CDH13: variants seen among roughly 807,000 people sequenced by gnomAD.
CDH13 encodes the protein cadherin 13, also known as cadherin-13.
Under a neutral mutation model 63.8 loss-of-function variants are expected in CDH13, and 24 were observed. The ratio of observed to expected loss-of-function variants is 0.38; its 90% CI spans 0.27 to 0.53. The LOEUF is 0.53. Ranked by LOEUF, CDH13 falls within the 20% of genes least tolerant of loss-of-function variation. The pLI, the probability that CDH13 is intolerant of heterozygous loss-of-function variation, is 0.85. For missense variants in CDH13, 1,049 were observed against 903.1 expected (o/e 1.16, Z -2.07); for synonymous variants, 503 against 355.3 (o/e 1.42, Z -4.67).
intron 10 of CDH13, among the ~76,000 whole-genome samples, chr16:83,689,615 TC>T (rs1276797244): frequency 2.0e-5 from 3 of 152,326 alleles, no homozygotes; most frequent in Admixed American, 2.0e-4. Flanking sequence ...GTGATGAGGC[TC>T]TAAACTACAG....
At chr16:83,214,364 C>T (rs1373502587) in intron 4 of CDH13, among the ~76,000 whole-genome samples, 1 of 151,644 alleles carries the variant, frequency 6.6e-6, no homozygotes, top group Non-Finnish European at 1.5e-5. Context: ...TGGATCACAT[C>T]AGGTAAGGAG....
chr16:82,972,855 A>G (rs1432470799), intron 2 of CDH13, among the ~76,000 whole-genome samples: 9 of 152,028 alleles, frequency 5.9e-5, no homozygotes, highest in Non-Finnish European at 1.0e-4. Flanking sequence ...CTACCTTTTT[A>G]CCATTTAAGG....
chr16:83,626,011 C>CTT (rs34252613), intron 8 of CDH13, among the ~76,000 whole-genome samples: 5,278 of 137,370 alleles, frequency 0.038, 236 homozygotes, highest in African/African-American at 0.1. Flanking sequence ...AAGCTTGCTT[C>CTT]TTTTTTTTTT....
intron 6 of CDH13, among the ~76,000 whole-genome samples, chr16:83,484,892 ACT>A (rs1186843167): frequency 6.6e-6 from 1 of 152,196 alleles, no homozygotes; most frequent in Non-Finnish European, 1.5e-5. Flanking sequence ...TACCTAGACC[ACT>A]GTTTGAGAAC....
chr16:83,366,791 G>A (rs1015976102), intron 6 of CDH13, among the ~76,000 whole-genome samples: 2 of 152,164 alleles, frequency 1.3e-5, no homozygotes, highest in African/African-American at 2.4e-5. Context: ...GGGGAGCACA[G>A]AAGGTCATGG....
intron 2 of CDH13, among the ~76,000 whole-genome samples, chr16:83,024,231 A>G (rs1915600869): frequency 6.6e-6 from 1 of 152,166 alleles, no homozygotes; most frequent in Non-Finnish European, 1.5e-5. Flanking sequence ...TTTTTAGTGG[A>G]TACAAGGACA....
chr16:82,913,426 C>T (rs1450579514), intron 2 of CDH13, among the ~76,000 whole-genome samples: 1 of 152,090 alleles, frequency 6.6e-6, no homozygotes, highest in Admixed American at 6.5e-5. Flanking sequence ...AGATCTAGGT[C>T]TGATACCTGC....
At chr16:83,596,235 G>C (rs1431794869) in intron 7 of CDH13, among the ~76,000 whole-genome samples, 3 of 152,214 alleles carry the variant, frequency 2.0e-5, no homozygotes, top group Non-Finnish European at 4.4e-5. Context: ...AAGTGAAGAG[G>C]CAGGTTGCCT....
At chr16:83,617,089 C>T (rs1056665154) in intron 8 of CDH13, among the ~76,000 whole-genome samples, 1 of 152,174 alleles carries the variant, frequency 6.6e-6, no homozygotes, top group Non-Finnish European at 1.5e-5. Flanking sequence ...TACCACATTG[C>T]CTTTCGCTTG....
intron 1 of CDH13, among the ~76,000 whole-genome samples, chr16:82,735,118 T>G (rs897685438): frequency 2.6e-5 from 4 of 152,178 alleles, no homozygotes; most frequent in African/African-American, 9.7e-5. Flanking sequence ...TAAGATCACC[T>G]TAAAGGAGCA....
At chr16:83,299,428 C>G (rs960711450) in intron 5 of CDH13, among the ~76,000 whole-genome samples, 2 of 152,216 alleles carry the variant, frequency 1.3e-5, no homozygotes, top group South Asian at 4.1e-4. Flanking sequence ...AGCACATACA[C>G]TCTTGCTATC....
chr16:83,711,169 T>C (rs1051212420), intron 10 of CDH13, among the ~76,000 whole-genome samples: 3 of 152,222 alleles, frequency 2.0e-5, no homozygotes, highest in South Asian at 2.1e-4. Flanking sequence ...TGACTTCAGA[T>C]GCAGGGAGAT....
At chr16:83,268,447 C>T (rs988266820) in intron 5 of CDH13, among the ~76,000 whole-genome samples, 2 of 152,120 alleles carry the variant, frequency 1.3e-5, no homozygotes, top group Non-Finnish European at 2.9e-5. Flanking sequence ...ACATTTTTTC[C>T]AAACCAGCAG....
chr16:82,998,412 TTTGTC>T (rs1409687596), intron 2 of CDH13, among the ~76,000 whole-genome samples: 1 of 152,212 alleles, frequency 6.6e-6, no homozygotes, highest in Non-Finnish European at 1.5e-5. Flanking sequence ...TCTATTTTGT[TTTGTC>T]CTGTTTTTTT....
At chr16:83,551,545 T>C (rs1393283953) in intron 7 of CDH13, among the ~76,000 whole-genome samples, 1 of 152,210 alleles carries the variant, frequency 6.6e-6, no homozygotes, top group East Asian at 1.9e-4. Context: ...GTGTGCTGTG[T>C]CTTACGTTTC....
At chr16:83,177,902 C>G (rs1038040225) in intron 4 of CDH13, among the ~76,000 whole-genome samples, 1 of 152,180 alleles carries the variant, frequency 6.6e-6, no homozygotes, top group African/African-American at 2.4e-5. Flanking sequence ...CAGAGCAAGA[C>G]TGTTTATCTT....
intron 1 of CDH13, among the ~76,000 whole-genome samples, chr16:82,852,776 G>A (rs2039545298): frequency 6.6e-6 from 1 of 152,210 alleles, no homozygotes; most frequent in Non-Finnish European, 1.5e-5. Context: ...AGCTTGGAGA[G>A]GGGCACTCTA....
intron 4 of CDH13, among the ~76,000 whole-genome samples, chr16:83,132,453 C>CCCCCCT (rs1491296907): frequency 4.3e-5 from 4 of 92,924 alleles, no homozygotes; most frequent in Non-Finnish European, 8.2e-5. Context: ...ACACCCCCCC[C>CCCCCCT]TTTTTTTTTT....
intron 3 of CDH13, among the ~76,000 whole-genome samples, chr16:83,068,391 A>G (rs2032181367): frequency 6.6e-6 from 1 of 152,022 alleles, no homozygotes; most frequent in Non-Finnish European, 1.5e-5. Context: ...ACTTCCCAAG[A>G]CTCTGTAACT....
Sources: gnomAD v4.1 joint callset for allele counts (sites outside exome capture counted in the v4.1 genomes callset) on GRCh38, gnomAD v4.1.1 for gene constraint, MANE v1.5 for transcripts, NCBI Gene and HGNC (gene_info 2026-07-23, HGNC 2026-07-21) for gene names.